The following SPMIP2 variants were observed in gnomAD, a reference collection of about 807,000 sequenced individuals.
SPMIP2 encodes the protein sperm microtubule inner protein 2.
chr4:159,066,735 T>C, the SPMIP2 span, among the ~76,000 whole-genome samples: 29 of 151,944 alleles, frequency 1.9e-4, no homozygotes, highest in Non-Finnish European at 1.3e-4. Context: ...TCTTGGGAAT[T>C]TGTAACCTTA....
the SPMIP2 span, among the ~76,000 whole-genome samples, chr4:158,933,802 C>T: frequency 4.6e-5 from 7 of 152,098 alleles, no homozygotes; most frequent in Non-Finnish European, 8.8e-5. Flanking sequence ...ATTCTTATCT[C>T]TTTGTACACT....
chr4:158,913,900 A>C, the SPMIP2 span, among the ~76,000 whole-genome samples: 1 of 152,034 alleles, frequency 6.6e-6, no homozygotes, highest in Non-Finnish European at 1.5e-5. Context: ...TGCAACTTGC[A>C]CTCAAATGGT....
the SPMIP2 span, among the ~76,000 whole-genome samples, chr4:158,976,180 A>T: frequency 6.6e-6 from 1 of 152,134 alleles, no homozygotes; most frequent in Admixed American, 6.5e-5. Context: ...GCTTAAGGAG[A>T]TTTTGGGCTG....
chr4:159,080,147 T>C, the SPMIP2 span, among the ~76,000 whole-genome samples: 1 of 152,192 alleles, frequency 6.6e-6, no homozygotes, highest in Non-Finnish European at 1.5e-5. Flanking sequence ...TTCTCTCGCC[T>C]CTAGAAGCTT....
At chr4:159,013,803 T>TACAAATGAAGCTTGAGGAC in the SPMIP2 span, among the ~76,000 whole-genome samples, 2 of 2,854 alleles carry the variant, frequency 7.0e-4, no homozygotes, top group African/African-American at 1.8e-3. Context: ...CATGCTGTGA[T>TACAAATGAAGCTTGAGGAC]ATAAATGAAG....
At chr4:159,038,222 C>A in the SPMIP2 span, among the ~76,000 whole-genome samples, 1 of 152,138 alleles carries the variant, frequency 6.6e-6, no homozygotes, top group Non-Finnish European at 1.5e-5. Flanking sequence ...TGTTGCTAAC[C>A]CTGCCACCAT....
At chr4:158,956,303 C>T in the SPMIP2 span, among the ~76,000 whole-genome samples, 2 of 152,232 alleles carry the variant, frequency 1.3e-5, no homozygotes, top group Admixed American at 1.3e-4. Context: ...CGGTGGCTCA[C>T]GCCTGTAATC....
chr4:159,026,004 C>T, the SPMIP2 span: 1 of 160,850 alleles, frequency 6.2e-6, no homozygotes, highest in Admixed American at 6.4e-5. Context: ...GTTTCAACAA[C>T]AGAAACTTCT....
the SPMIP2 span, among the ~76,000 whole-genome samples, chr4:158,974,305 T>C: frequency 1.3e-5 from 2 of 152,040 alleles, no homozygotes; most frequent in African/African-American, 4.8e-5. Flanking sequence ...AAAGATCACT[T>C]AAATGAATTT....
the SPMIP2 span, among the ~76,000 whole-genome samples, chr4:158,943,692 ACATATGCAAGC>A: frequency 6.6e-6 from 1 of 151,810 alleles, no homozygotes; most frequent in Admixed American, 6.6e-5. Context: ...ATTCCTACCT[ACATATGCAAGC>A]CAATCCTGTC....
At chr4:159,041,834 T>C in the SPMIP2 span, among the ~76,000 whole-genome samples, 1 of 152,246 alleles carries the variant, frequency 6.6e-6, no homozygotes, top group Non-Finnish European at 1.5e-5. Context: ...CAAACTTTTC[T>C]TGTTATCTGC....
chr4:159,053,334 G>T, the SPMIP2 span, among the ~76,000 whole-genome samples: 1 of 152,088 alleles, frequency 6.6e-6, no homozygotes, highest in East Asian at 1.9e-4. Context: ...CATTCTTTTG[G>T]GTTAAATGGT....
the SPMIP2 span, among the ~76,000 whole-genome samples, chr4:158,939,284 T>G: frequency 1.3e-5 from 2 of 152,218 alleles, no homozygotes; most frequent in Non-Finnish European, 1.5e-5. Context: ...TTAGTTACTT[T>G]GCAAATTTTA....
chr4:158,964,192 A>AC, the SPMIP2 span, among the ~76,000 whole-genome samples: 1 of 120,886 alleles, frequency 8.3e-6, no homozygotes. Flanking sequence ...CAAAACAAAA[A>AC]ACATGTGGAG....
the SPMIP2 span, chr4:158,905,712 A>C: frequency 4.6e-5 from 6 of 131,806 alleles, no homozygotes; most frequent in South Asian, 2.4e-4. Flanking sequence ...AAAAAAAAAC[A>C]ACCTAATTTT....
the SPMIP2 span, among the ~76,000 whole-genome samples, chr4:158,920,297 A>G: frequency 1.3e-5 from 2 of 152,196 alleles, no homozygotes; most frequent in Admixed American, 6.5e-5. Flanking sequence ...CTTGAAAAAG[A>G]ACAGAATAAC....
chr4:158,902,065 C>CAT, the SPMIP2 span, among the ~76,000 whole-genome samples: 1 of 151,980 alleles, frequency 6.6e-6, no homozygotes, highest in African/African-American at 2.4e-5. Flanking sequence ...GAGGAGAGAG[C>CAT]ATTCTGGTTT....
chr4:159,010,109 T>C, the SPMIP2 span, among the ~76,000 whole-genome samples: 52,178 of 152,118 alleles, frequency 0.34, 9,557 homozygotes, highest in Middle Eastern at 0.41. Context: ...CCCTGATGTA[T>C]TAGTGGACAC....
the SPMIP2 span, among the ~76,000 whole-genome samples, chr4:158,977,759 C>T: frequency 4.9e-4 from 75 of 152,084 alleles, no homozygotes; most frequent in East Asian, 0.011. Context: ...GGACCACAGG[C>T]GCCCGCCACC....
Sources: gnomAD v4.1 joint callset for allele counts (sites outside exome capture counted in the v4.1 genomes callset) on GRCh38, gnomAD v4.1.1 for gene constraint, MANE v1.5 for transcripts, NCBI Gene and HGNC (gene_info 2026-07-23, HGNC 2026-07-21) for gene names.